HMBOX1: variants seen among roughly 807,000 people sequenced by gnomAD.
HMBOX1 encodes the protein homeobox containing 1, also known as homeobox-containing protein 1.
HMBOX1 carries 14 observed loss-of-function variants against 54.5 expected under a neutral mutation model. The ratio of observed to expected loss-of-function variants is 0.26; its 90% CI spans 0.17 to 0.40. The LOEUF (loss-of-function observed/expected upper bound fraction) is 0.40, where lower values mean the gene tolerates loss of function less well. Among genes scored for constraint, HMBOX1 ranks in the 10% least tolerant of loss-of-function variants. The pLI, the probability that HMBOX1 is intolerant of heterozygous loss-of-function variation, is 1.00. For missense variants in HMBOX1, 332 were observed against 514.4 expected, an observed-to-expected ratio of 0.65 and a Z score of 3.43; for synonymous variants, 160 against 181.0, an observed-to-expected ratio of 0.88 and a Z score of 0.93.
intron 1 of HMBOX1, among the ~76,000 whole-genome samples, chr8:28,920,025 A>G (rs961233303): frequency 2.6e-5 from 4 of 151,964 alleles, no homozygotes; most frequent in Admixed American, 2.0e-4. Context: ...AGACCTAGAG[A>G]TGTATTGCAC....
At chr8:28,943,382 G>A (rs1821809785) in intron 1 of HMBOX1, among the ~76,000 whole-genome samples, 2 of 152,180 alleles carry the variant, frequency 1.3e-5, no homozygotes, top group Non-Finnish European at 2.9e-5. Context: ...ATTTGGGCTA[G>A]AGCAGTTTGT....
intron 5 of HMBOX1, among the ~76,000 whole-genome samples, chr8:29,012,969 A>G (rs1834403192): frequency 6.6e-6 from 1 of 152,208 alleles, no homozygotes; most frequent in Non-Finnish European, 1.5e-5. Flanking sequence ...ATCCCTTTAC[A>G]TATATTCTGA....
In HMBOX1 at chr8:29,052,256, G is replaced by C; in HGVS notation, c.*1101G>C. The C allele has an allele frequency of 6.6e-6, 1 of 152,290 alleles. No individual in the cohort carries two copies. Among genetic ancestry groups the C allele is most frequent in the East Asian group, 1.9e-4 (1 of 5,204 alleles). 9.4% of individuals were successfully genotyped at this position (152,290 alleles called of 1,614,324 possible). ...ACAGATGCAGACACTTGCCCAGATAGGAGCAGAGAAAAGCAGGGGACGTTT... is the reference window on the plus strand; with the variant it reads ...ACAGATGCAGACACTTGCCCAGATACGAGCAGAGAAAAGCAGGGGACGTTT... On this transcript the variant is annotated 3_prime_UTR_variant, in exon 10 of 10. Transcript: ENST00000287701.
rs558652873 is a variant in HMBOX1 at position 28,911,485 on chromosome 8, A to ACAGT, written c.-58+20807_-58+20808insCAGT. On this transcript the variant is annotated intron_variant, in intron 1 of 9. Transcript: ENST00000287701. ...ATTCTCCTGCCTCAGCCTGGCGAGT[A>ACAGT]GCTAGGATTACAAGTGCCTGCCACC... 7.9e-5 allele frequency among the ~76,000 whole-genome samples: 12 copies of ACAGT among 152,348 alleles called. No individual in the cohort carries two copies. In the East Asian group the frequency reaches 1.9e-3, roughly 24 times the overall value.
At position 29,011,320 on chromosome 8, in the gene HMBOX1, T is replaced by C. The variant is rs570087265; in HGVS notation, c.697+2138T>C. 3.3e-5 allele frequency among the ~76,000 whole-genome samples: 5 copies of C among 152,358 alleles called. No individual in the cohort carries two copies. In the South Asian group the frequency reaches 8.3e-4, roughly 25 times the overall value. ...TTAGGAGGTTGTAGCACTATTCATA[T>C]GCCAAGTGTGATGGTTTTGTTAAAA... On this transcript the variant is annotated intron_variant, in intron 5 of 9. Coordinates refer to ENST00000287701, the MANE Select transcript of HMBOX1 (RefSeq NM_001135726.3).
At chr8:29,044,567 TC>T (rs1231089182) in intron 6 of HMBOX1, among the ~76,000 whole-genome samples, 1 of 152,098 alleles carries the variant, frequency 6.6e-6, no homozygotes, top group Non-Finnish European at 1.5e-5. Flanking sequence ...CTAAGCCCCC[TC>T]CCCACAAATC....
chr8:28,928,093 C>G (rs575844715), intron 1 of HMBOX1, among the ~76,000 whole-genome samples: 1 of 151,860 alleles, frequency 6.6e-6, no homozygotes, highest in African/African-American at 2.4e-5. Context: ...CGAGATCACA[C>G]CACTGAACTC....
intron 1 of HMBOX1, among the ~76,000 whole-genome samples, chr8:28,908,805 G>C (rs1318947654): frequency 6.6e-6 from 1 of 152,018 alleles, no homozygotes; most frequent in Non-Finnish European, 1.5e-5. Context: ...TTAAAATTTA[G>C]TGTTGTGTCC....
intron 2 of HMBOX1, among the ~76,000 whole-genome samples, chr8:28,968,146 T>C (rs151182794): frequency 1.3e-5 from 2 of 152,320 alleles, no homozygotes; most frequent in African/African-American, 2.4e-5. Flanking sequence ...AAGACAGATA[T>C]TCAGTAAAAA....
intron 1 of HMBOX1, among the ~76,000 whole-genome samples, chr8:28,952,729 TG>T (rs1177881966): frequency 1.1e-4 from 17 of 152,350 alleles, no homozygotes; most frequent in African/African-American, 4.1e-4. Context: ...TTCTGGTCAC[TG>T]GAAGTGTAGG....
intron 2 of HMBOX1, among the ~76,000 whole-genome samples, chr8:28,969,729 A>G (rs1310404108): frequency 4.6e-5 from 7 of 152,232 alleles, no homozygotes; most frequent in African/African-American, 1.4e-4. Context: ...ATTGCACTCC[A>G]TGTACCTAAT....
chr8:29,001,956 T>A (rs939597400), intron 4 of HMBOX1, among the ~76,000 whole-genome samples: 1 of 152,182 alleles, frequency 6.6e-6, no homozygotes, highest in Admixed American at 6.5e-5. Context: ...AAGGCTGGAA[T>A]GTGGAGATGG....
At chr8:28,905,355 GCACA>G (rs145777370) in intron 1 of HMBOX1, among the ~76,000 whole-genome samples, 2 of 149,254 alleles carry the variant, frequency 1.3e-5, no homozygotes, top group South Asian at 2.1e-4. Context: ...ACACACGCAC[GCACA>G]CACACACACA....
At chr8:29,013,636 C>T (rs1052132518) in intron 5 of HMBOX1, among the ~76,000 whole-genome samples, 4 of 152,072 alleles carry the variant, frequency 2.6e-5, no homozygotes, top group African/African-American at 7.2e-5. Flanking sequence ...TGAAAGCCTG[C>T]CAAGGCATAT....
At position 28,980,351 on chromosome 8, in the gene HMBOX1, A is replaced by G. The variant is rs117322994; in HGVS notation, c.586+195A>G. Among the ~76,000 whole-genome samples the G allele has an allele frequency of 1.0e-3, 152 of 152,304 alleles. No individual in the cohort carries two copies. The highest frequency in any genetic ancestry group is 2.7e-3 in the South Asian group (13 of 4,824). On this transcript the variant is annotated intron_variant, in intron 4 of 9. Coordinates refer to ENST00000287701, the MANE Select transcript of HMBOX1 (RefSeq NM_001135726.3). ...TCTAGTGATTTTTTTGACTTGTGCT[A>G]GTAAATTTTATAGCATTTTTAATAA...
intron 1 of HMBOX1, among the ~76,000 whole-genome samples, chr8:28,897,211 C>G (rs1344627260): frequency 1.3e-5 from 2 of 151,754 alleles, no homozygotes; most frequent in Non-Finnish European, 2.9e-5. Context: ...TCTCGAATCC[C>G]CCCTCAGGTG....
intron 1 of HMBOX1, among the ~76,000 whole-genome samples, chr8:28,941,891 C>T (rs1420740660): frequency 6.6e-6 from 1 of 152,148 alleles, no homozygotes; most frequent in East Asian, 1.9e-4. Context: ...TTACACAAAC[C>T]CCCCAGCCCT....
chr8:29,000,334 G>A (rs897134762), intron 4 of HMBOX1, among the ~76,000 whole-genome samples: 1 of 152,088 alleles, frequency 6.6e-6, no homozygotes, highest in African/African-American at 2.4e-5. Flanking sequence ...TGAGAGCTTC[G>A]AGCCTTCACG....
chr8:29,002,634 T>G (rs1316313733), intron 4 of HMBOX1, among the ~76,000 whole-genome samples: 1 of 152,232 alleles, frequency 6.6e-6, no homozygotes, highest in Non-Finnish European at 1.5e-5. Context: ...TTACCTTGCT[T>G]TAGTGGACTC....
Sources: gnomAD v4.1 joint callset for allele counts (sites outside exome capture counted in the v4.1 genomes callset) on GRCh38, gnomAD v4.1.1 for gene constraint, MANE v1.5 for transcripts, NCBI Gene and HGNC (gene_info 2026-07-23, HGNC 2026-07-21) for gene names.